CPNE2: variants seen among roughly 807,000 people sequenced by gnomAD.
The protein encoded by CPNE2 is copine 2, also known as copine-2.
Under a neutral mutation model 69.7 loss-of-function variants are expected in CPNE2, and 42 were observed. The ratio of observed to expected loss-of-function variants is 0.60; its 90% confidence interval spans 0.47 to 0.78. CPNE2 has a LOEUF of 0.78. CPNE2 is among the 30% of genes least tolerant of loss of function. CPNE2 has a pLI of 0.00. For synonymous variants in CPNE2, 294 were observed against 289.8 expected (o/e 1.01, Z -0.15); for missense variants, 587 against 732.0 (o/e 0.80, Z 2.29).
intron 1 of CPNE2, among the ~76,000 whole-genome samples, chr16:57,099,931 C>T (rs1289825257): frequency 6.6e-6 from 1 of 152,026 alleles, no homozygotes; most frequent in Non-Finnish European, 1.5e-5. Context: ...GCGTGCACCA[C>T]GCCCAGCTAA....
intron 10 of CPNE2, 43 bp from the exon 11 acceptor site, chr16:57,125,817 G>C (rs763687706): frequency 1.2e-5 from 20 of 1,612,062 alleles, no homozygotes; most frequent in Non-Finnish European, 1.5e-5. Flanking sequence ...TAGGGTGCTG[G>C]GGTCTCTGGC....
intron 1 of CPNE2, among the ~76,000 whole-genome samples, chr16:57,102,605 C>CTT (rs111301014): frequency 1.4e-4 from 20 of 144,036 alleles, no homozygotes; most frequent in African/African-American, 4.3e-4. Context: ...ATTTATTTCT[C>CTT]TTTTTTTTTT....
chr16:57,127,706 TCC>T (rs2069810366), intron 11 of CPNE2, 141 bp from the exon 12 acceptor site: 1 of 788,996 alleles, frequency 1.3e-6, no homozygotes, highest in Non-Finnish European at 2.1e-6. Flanking sequence ...AGGTAGATGA[TCC>T]TAACAGCTTT....
At chr16:57,140,709 C>T (rs999271272) in intron 14 of CPNE2, among the ~76,000 whole-genome samples, 2 of 151,816 alleles carry the variant, frequency 1.3e-5, no homozygotes, top group South Asian at 4.1e-4. Context: ...GGATTACAAG[C>T]ACCTGCCACC....
intron 1 of CPNE2, among the ~76,000 whole-genome samples, chr16:57,101,120 C>T (rs903960672): frequency 5.3e-5 from 8 of 152,208 alleles, no homozygotes; most frequent in East Asian, 1.9e-4. Context: ...TTCTCAAAGA[C>T]GGAATTCAGC....
intron 13 of CPNE2, among the ~76,000 whole-genome samples, chr16:57,135,438 G>A (rs2069872128): frequency 6.6e-6 from 1 of 152,198 alleles, no homozygotes; most frequent in Admixed American, 6.5e-5. Flanking sequence ...GGAAGCTGAG[G>A]CAAGAGGAGC....
chr16:57,115,868 T>TTCCTGCAATGCGCAACGAC (rs2069715562), intron 4 of CPNE2, among the ~76,000 whole-genome samples: 1 of 152,250 alleles, frequency 6.6e-6, no homozygotes, highest in African/African-American at 2.4e-5. Context: ...CGCGCAATGA[T>TTCCTGCAATGCGCAACGAC]TCCTGCAATG....
chr16:57,098,455 C>A (rs991633347), intron 1 of CPNE2, among the ~76,000 whole-genome samples: 6 of 152,220 alleles, frequency 3.9e-5, no homozygotes, highest in Non-Finnish European at 7.3e-5. Context: ...GGGCATGCGG[C>A]AAGGGCCCCA....
At chr16:57,113,522 A>G (rs1432100625) in intron 3 of CPNE2, 55 bp downstream of exon 3, 3 of 1,556,712 alleles carry the variant, frequency 1.9e-6, no homozygotes, top group Non-Finnish European at 2.6e-6. Flanking sequence ...GCAACCCCTC[A>G]AAAAGTCTCT....
chr16:57,120,220 C>T (rs1407363396), intron 7 of CPNE2, among the ~76,000 whole-genome samples: 2 of 150,646 alleles, frequency 1.3e-5, no homozygotes, highest in Non-Finnish European at 2.9e-5. Context: ...TTGCAGAGCC[C>T]AGATTGAGCC....
At chr16:57,105,325 T>C (rs2069641210) in intron 1 of CPNE2, among the ~76,000 whole-genome samples, 1 of 152,244 alleles carries the variant, frequency 6.6e-6, no homozygotes. Flanking sequence ...CGTGATGTTC[T>C]AGGCCTGTGG....
chr16:57,114,224 T>C (rs1437643750), intron 3 of CPNE2, among the ~76,000 whole-genome samples: 1 of 152,046 alleles, frequency 6.6e-6, no homozygotes, highest in African/African-American at 2.4e-5. Flanking sequence ...AGAAGAGAGC[T>C]TAAGGGCTTG....
chr16:57,107,895 G>A (rs1297539465), intron 1 of CPNE2, among the ~76,000 whole-genome samples: 1 of 130,970 alleles, frequency 7.6e-6, no homozygotes, highest in Non-Finnish European at 1.6e-5. Context: ...TTTTGAGACA[G>A]TGTCTTGCTC....
rs1199644284 is a variant in CPNE2 at position 57,110,570 on chromosome 16, A to G, written c.-35-138A>G. 7 of 488,786 alleles carry G rather than the reference A, an allele frequency of 1.4e-5. No individual in the cohort carries two copies. In the Admixed American group the frequency reaches 1.6e-4, roughly 11 times the overall value. 30.3% of individuals were successfully genotyped at this position (488,786 alleles called of 1,614,324 possible). A position where few individuals can be genotyped will look rare whatever the true frequency, so the allele number is the denominator to read the frequency against. On this transcript the variant is annotated intron_variant, in intron 1 of 15. Transcript: ENST00000290776. ...TTCTTCTTTCTTCAAACCTTTGCCT[A>G]TGTTATTTGACAACCCGCCTCAATT...
chr16:57,144,624 C>T (rs2069944305), intron 14 of CPNE2: 2 of 152,266 alleles, frequency 1.3e-5, no homozygotes, highest in African/African-American at 4.8e-5. Flanking sequence ...CTAAAGGGGT[C>T]AGCGGGTACT....
intron 10 of CPNE2, chr16:57,125,462 T>A (rs762863431): frequency 1.2e-5 from 5 of 425,092 alleles, no homozygotes; most frequent in African/African-American, 2.0e-5. Context: ...GGCATCTGAG[T>A]TGGGCCTGGA....
At chr16:57,105,629 G>A (rs563121975) in intron 1 of CPNE2, among the ~76,000 whole-genome samples, 2 of 152,090 alleles carry the variant, frequency 1.3e-5, no homozygotes, top group Non-Finnish European at 2.9e-5. Flanking sequence ...ATAGCCCCGG[G>A]GTGCTCAGGG....
At chr16:57,129,789 A>G (rs149622350) in intron 12 of CPNE2, among the ~76,000 whole-genome samples, 7,379 of 152,294 alleles carry the variant, frequency 0.048, 212 homozygotes, top group Middle Eastern at 0.12. Flanking sequence ...ACTGCACTCC[A>G]GCCTGGGCAA....
intron 14 of CPNE2, 52 bp downstream of exon 14, chr16:57,137,334 G>A: frequency 1.2e-6 from 2 of 1,602,206 alleles, no homozygotes; most frequent in Non-Finnish European, 1.7e-6. Context: ...ACGTCCTCTG[G>A]GCTGGGGGGC....
Sources: allele counts gnomAD v4.1 joint callset (sites outside exome capture counted in the v4.1 genomes callset), GRCh38; gene constraint gnomAD v4.1.1; transcripts MANE v1.5; gene names NCBI Gene and HGNC (gene_info 2026-07-23, HGNC 2026-07-21).